Variants in WFDC10B observed in about 807,000 individuals in gnomAD.
The protein encoded by WFDC10B is protein WFDC10B.
A neutral mutation model predicts 2.7 loss-of-function variants in WFDC10B; 1 was observed. The observed-to-expected ratio is 0.38, with a 90% CI of 0.13 to 1.79. The LOEUF (loss-of-function observed/expected upper bound fraction) is 1.79, where lower values mean the gene tolerates loss of function less well. WFDC10B is among the 40% of genes most tolerant of loss of function. The pLI, the probability that WFDC10B is intolerant of heterozygous loss-of-function variation, is 0.33. For synonymous variants in WFDC10B, 26 were observed against 32.2 expected (o/e 0.81, Z 0.65); for missense variants, 71 against 87.8 (o/e 0.81, Z 0.76).
chr20:45,695,344 A>T (rs1600960103), intron 2 of WFDC10B, among the ~76,000 whole-genome samples: 1 of 152,334 alleles, frequency 6.6e-6, no homozygotes, highest in East Asian at 1.9e-4. Flanking sequence ...GTTGGAAAGC[A>T]TTCCAGGCCC....
chr20:45,699,832 C>G (rs1459963317), intron 2 of WFDC10B, among the ~76,000 whole-genome samples: 3 of 152,198 alleles, frequency 2.0e-5, no homozygotes, highest in Admixed American at 1.3e-4. Flanking sequence ...GCATGTGCCA[C>G]CACGCCCATC....
At chr20:45,691,164 G>A (rs368542985) in intron 2 of WFDC10B, among the ~76,000 whole-genome samples, 2 of 152,028 alleles carry the variant, frequency 1.3e-5, no homozygotes, top group East Asian at 1.9e-4. Context: ...GTTTCTTAAT[G>A]CTGAGTTCTA....
At chr20:45,690,845 C>G (rs1983789700) in intron 2 of WFDC10B, among the ~76,000 whole-genome samples, 1 of 152,086 alleles carries the variant, frequency 6.6e-6, no homozygotes, top group Non-Finnish European at 1.5e-5. Context: ...TTCAGTTCTG[C>G]TCCGATTTTA....
chr20:45,699,826 G>A (rs755969817), intron 2 of WFDC10B, among the ~76,000 whole-genome samples: 3 of 152,110 alleles, frequency 2.0e-5, no homozygotes, highest in Non-Finnish European at 4.4e-5. Context: ...CTACAGGCAT[G>A]TGCCACCACG....
chr20:45,693,609 G>T (rs4812953), intron 2 of WFDC10B, among the ~76,000 whole-genome samples: 28,841 of 152,080 alleles, frequency 0.19, 2,991 homozygotes, highest in East Asian at 0.32. Context: ...AGCGAGACTC[G>T]GTGGGCATAG....
At chr20:45,702,687 G>C (rs754651594) in intron 2 of WFDC10B, among the ~76,000 whole-genome samples, 3 of 152,184 alleles carry the variant, frequency 2.0e-5, no homozygotes, top group African/African-American at 4.8e-5. Flanking sequence ...AGGAAGTCTT[G>C]CCTTTTATTC....
intron 2 of WFDC10B, among the ~76,000 whole-genome samples, chr20:45,686,542 G>T (rs1005454192): frequency 5.4e-5 from 8 of 149,370 alleles, no homozygotes; most frequent in Non-Finnish European, 1.2e-4. Flanking sequence ...ATTTTTTTGG[G>T]GGGGGGCGGT....
chr20:45,704,566 T>C lies in WFDC10B; in HGVS notation c.-129-5A>G. The C allele has an allele frequency of 6.2e-7, 1 of 1,614,174 alleles. No individual in the cohort carries two copies. The highest frequency in any genetic ancestry group is 1.1e-5 in the South Asian group (1 of 91,082). On this transcript the variant is annotated splice_polypyrimidine_tract_variant and splice_region_variant and intron_variant, in intron 1 of 3. Transcript: ENST00000330523. ...TTCCTCCTTCTGTGGGATAGTCTGTTCATCAGAAACATTTCAAAAGCGCAA... is the reference window on the plus strand; with the variant it reads ...TTCCTCCTTCTGTGGGATAGTCTGTCCATCAGAAACATTTCAAAAGCGCAA...
intron 2 of WFDC10B, among the ~76,000 whole-genome samples, chr20:45,694,868 G>C (rs1224867256): frequency 1.3e-5 from 2 of 152,166 alleles, no homozygotes; most frequent in African/African-American, 4.8e-5. Context: ...AAGAAGGAAG[G>C]AGTTGAAGCT....
intron 2 of WFDC10B, among the ~76,000 whole-genome samples, chr20:45,694,374 T>G (rs759283859): frequency 6.6e-6 from 1 of 152,206 alleles, no homozygotes; most frequent in Non-Finnish European, 1.5e-5. Context: ...AAAAGAGCTG[T>G]GATTATTATA....
At chr20:45,704,375 G>A (rs1827268062) in intron 2 of WFDC10B, 122 bp downstream of exon 2, 2 of 1,539,022 alleles carry the variant, frequency 1.3e-6, no homozygotes, top group African/African-American at 1.4e-5. Context: ...AGTTCCCTGG[G>A]CTTTCTGAGT....
intron 2 of WFDC10B, among the ~76,000 whole-genome samples, chr20:45,693,834 A>T (rs898596271): frequency 2.6e-5 from 4 of 152,184 alleles, no homozygotes; most frequent in African/African-American, 9.7e-5. Flanking sequence ...CGCTGCACCC[A>T]CTGACCTGCG....
chr20:45,694,530 T>C (rs1461508399), intron 2 of WFDC10B, among the ~76,000 whole-genome samples: 1 of 152,138 alleles, frequency 6.6e-6, no homozygotes, highest in African/African-American at 2.4e-5. Flanking sequence ...TCAAAATATA[T>C]GAAGCAAACA....
chr20:45,691,197 G>A (rs1983801406), intron 2 of WFDC10B, among the ~76,000 whole-genome samples: 1 of 152,204 alleles, frequency 6.6e-6, no homozygotes, highest in Non-Finnish European at 1.5e-5. Context: ...TGTGATCTGA[G>A]AGATAGTTTG....
intron 3 of WFDC10B, among the ~76,000 whole-genome samples, chr20:45,685,166 C>G (rs1466567777): frequency 2.0e-5 from 3 of 152,072 alleles, no homozygotes; most frequent in African/African-American, 4.8e-5. Flanking sequence ...GCATCTCACC[C>G]CAGTAGACTT....
At chr20:45,686,897 T>C (rs1431526886) in intron 2 of WFDC10B, among the ~76,000 whole-genome samples, 3 of 152,074 alleles carry the variant, frequency 2.0e-5, no homozygotes, top group Admixed American at 6.6e-5. Flanking sequence ...CTGACTTCAA[T>C]TGATCCACCT....
intron 3 of WFDC10B, among the ~76,000 whole-genome samples, chr20:45,685,174 C>T (rs1983567128): frequency 1.3e-5 from 2 of 152,132 alleles, no homozygotes; most frequent in Admixed American, 1.3e-4. Context: ...CCCCAGTAGA[C>T]TTCAATGCCT....
At chr20:45,688,293 G>C (rs1203318825) in intron 2 of WFDC10B, among the ~76,000 whole-genome samples, 1 of 151,856 alleles carries the variant, frequency 6.6e-6, no homozygotes, top group East Asian at 1.9e-4. Flanking sequence ...ATTTGGGTTG[G>C]TTCCAAGTCT....
intron 2 of WFDC10B, among the ~76,000 whole-genome samples, chr20:45,703,535 T>C (rs1263750985): frequency 2.0e-5 from 3 of 152,132 alleles, no homozygotes; most frequent in East Asian, 1.9e-4. Flanking sequence ...CTTTTGACTT[T>C]TGCCCCCAAA....
Sources: allele counts gnomAD v4.1 joint callset (sites outside exome capture counted in the v4.1 genomes callset), GRCh38; gene constraint gnomAD v4.1.1; transcripts MANE v1.5; gene names NCBI Gene and HGNC (gene_info 2026-07-23, HGNC 2026-07-21).